PTPRD: variants seen among roughly 807,000 people sequenced by gnomAD.
PTPRD encodes the protein receptor-type tyrosine-protein phosphatase delta.
In PTPRD, 34 loss-of-function variants were observed where a neutral mutation model predicts 214.5. That is an observed-to-expected ratio of 0.16 (90% CI 0.12 to 0.21). The LOEUF (loss-of-function observed/expected upper bound fraction) is 0.21, where lower values mean the gene tolerates loss of function less well. Among genes scored for constraint, PTPRD ranks in the 10% least tolerant of loss-of-function variants. PTPRD has a pLI of 1.00. For synonymous variants in PTPRD, 1,128 were observed against 845.7 expected (o/e 1.33, Z -5.79); for missense variants, 2,545 against 2,398.7 (o/e 1.06, Z -1.27).
chr9:8,409,469 C>A (rs79454152), intron 35 of PTPRD, among the ~76,000 whole-genome samples: 3,192 of 152,248 alleles, frequency 0.021, 91 homozygotes, highest in African/African-American at 0.072. Flanking sequence ...TGTAGTACTG[C>A]TGAACTCTAT....
Position 8,508,891 on chromosome 9 carries a change from C to CTGTGTGTG in PTPRD, c.1544-1465_1544-1458dup, listed in dbSNP as rs59265464. Among the ~76,000 whole-genome samples the CTGTGTGTG allele has an allele frequency of 1.8e-3, 254 of 140,602 alleles. 1 individual carries two copies. Among genetic ancestry groups the CTGTGTGTG allele is most frequent in the African/African-American group, 6.3e-3 (247 of 38,962 alleles). 92.2% of individuals were successfully genotyped at this position (140,602 alleles called of 152,430 possible). On this transcript the variant is annotated intron_variant, in intron 21 of 45. Coordinates refer to ENST00000381196, the MANE Select transcript of PTPRD (RefSeq NM_002839.4). ...TGTATATATATGTGTGTGTGTGTGT[C>CTGTGTGTG]TGTGTGTGTGTGTGTGTGTGTGTGT...
At chr9:9,085,484 C>A (rs896718357) in intron 10 of PTPRD, among the ~76,000 whole-genome samples, 1 of 152,074 alleles carries the variant, frequency 6.6e-6, no homozygotes, top group Admixed American at 6.6e-5. Flanking sequence ...GTGAAAATAA[C>A]AGCGCCTTAT....
chr9:10,258,521 T>C (rs1159606932), intron 3 of PTPRD, among the ~76,000 whole-genome samples: 1 of 152,200 alleles, frequency 6.6e-6, no homozygotes, highest in East Asian at 1.9e-4. Flanking sequence ...TTGAGGTATT[T>C]TTACATGTAC....
chr9:8,535,941 A>G (rs2076830213), intron 14 of PTPRD, among the ~76,000 whole-genome samples: 1 of 151,936 alleles, frequency 6.6e-6, no homozygotes, highest in African/African-American at 2.4e-5. Context: ...TCAGAAGATC[A>G]TATTAGACAA....
intron 5 of PTPRD, among the ~76,000 whole-genome samples, chr9:9,821,066 C>T (rs1009838782): frequency 2.6e-5 from 4 of 152,074 alleles, no homozygotes; most frequent in African/African-American, 9.7e-5. Context: ...TTGCTTCGGG[C>T]AGTATGTCCA....
intron 44 of PTPRD, among the ~76,000 whole-genome samples, chr9:8,329,629 C>T (rs927112979): frequency 2.6e-5 from 4 of 152,130 alleles, no homozygotes; most frequent in African/African-American, 7.2e-5. Context: ...GCCCCTTCCG[C>T]CAGGTGCTTT....
chr9:9,937,757 G>T (rs1406329229), intron 5 of PTPRD, among the ~76,000 whole-genome samples: 1 of 152,078 alleles, frequency 6.6e-6, no homozygotes, highest in Non-Finnish European at 1.5e-5. Context: ...TTACCCATAA[G>T]TTATGTGTAG....
chr9:8,340,257 C>G (rs2132332777), intron 42 of PTPRD, 86 bp downstream of exon 42: 1 of 1,413,730 alleles, frequency 7.1e-7, no homozygotes, highest in East Asian at 2.3e-5. Context: ...AAAAAATGAT[C>G]TAGCACAAGA....
At chr9:9,428,749 T>C (rs2143002537) in intron 8 of PTPRD, among the ~76,000 whole-genome samples, 1 of 152,238 alleles carries the variant, frequency 6.6e-6, no homozygotes, top group African/African-American at 2.4e-5. Flanking sequence ...ATTAAGAAAC[T>C]CACTCAAAAC....
intron 11 of PTPRD, among the ~76,000 whole-genome samples, chr9:8,918,440 G>T (rs1447323154): frequency 2.0e-5 from 3 of 152,186 alleles, no homozygotes; most frequent in Admixed American, 1.3e-4. Context: ...GGGATTTTTA[G>T]CAGTAAAAAA....
In PTPRD at chr9:8,988,813, T is replaced by C. The variant is rs189289373; in HGVS notation, c.-104+29884A>G. On this transcript the variant is annotated intron_variant, in intron 11 of 45. Coordinates refer to ENST00000381196, the MANE Select transcript of PTPRD (RefSeq NM_002839.4). ...TTGGAAATTTAATGTGCTTTTCTCT[T>C]GAAAACAAGGAGACACCAATCTTTT... 5.3e-5 allele frequency among the ~76,000 whole-genome samples: 8 copies of C among 152,192 alleles called. No homozygotes were observed. The East Asian group carries it at 1.5e-3, about 29-fold the overall frequency.
At chr9:9,049,045 G>A (rs1256867784) in intron 10 of PTPRD, among the ~76,000 whole-genome samples, 1 of 152,176 alleles carries the variant, frequency 6.6e-6, no homozygotes, top group Non-Finnish European at 1.5e-5. Context: ...GCCAGCACTT[G>A]CCATCCCTTG....
chr9:9,438,154 A>G (rs1276153417), intron 8 of PTPRD, among the ~76,000 whole-genome samples: 1 of 152,160 alleles, frequency 6.6e-6, no homozygotes, highest in Non-Finnish European at 1.5e-5. Context: ...ATTCACTTTC[A>G]CTTGATAATC....
In PTPRD at chr9:9,786,636, T is replaced by C. The variant is rs149127623; in HGVS notation, c.-367-19785A>G. On this transcript the variant is annotated intron_variant, in intron 5 of 45. Transcript: ENST00000381196. ...AGGTGGCTGGGTCAAATGGTATTTC[T>C]AGATCTCGATCCTTGAGGAATCGCC... Among the ~76,000 whole-genome samples the C allele has an allele frequency of 1.5e-4, 23 of 152,214 alleles. 1 individual carries two copies. The South Asian group carries it at 1.7e-3, about 11-fold the overall frequency.
intron 9 of PTPRD, among the ~76,000 whole-genome samples, chr9:9,194,309 C>T (rs140634310): frequency 3.9e-5 from 6 of 152,278 alleles, no homozygotes; most frequent in Admixed American, 1.3e-4. Context: ...GGAAAGAGTA[C>T]ACTCTAAAGT....
At chr9:9,810,003 A>G (rs777547842) in intron 5 of PTPRD, among the ~76,000 whole-genome samples, 18 of 152,110 alleles carry the variant, frequency 1.2e-4, no homozygotes, top group South Asian at 8.3e-4. Flanking sequence ...ATTTTTTCCA[A>G]TAAAAGTTAT....
At chr9:8,478,205 G>A (rs1234922709) in intron 30 of PTPRD, among the ~76,000 whole-genome samples, 1 of 152,096 alleles carries the variant, frequency 6.6e-6, no homozygotes, top group Non-Finnish European at 1.5e-5. Flanking sequence ...AATATCCTCA[G>A]TAAATTGCAA....
chr9:9,907,124 A>C (rs1220202772), intron 5 of PTPRD, among the ~76,000 whole-genome samples: 1 of 151,284 alleles, frequency 6.6e-6, no homozygotes, highest in Non-Finnish European at 1.5e-5. Flanking sequence ...TCTTCCAAGC[A>C]AGAGTTCTGT....
chr9:8,599,494 A>G (rs2094683724), intron 14 of PTPRD, among the ~76,000 whole-genome samples: 1 of 152,062 alleles, frequency 6.6e-6, no homozygotes, highest in African/African-American at 2.4e-5. Context: ...TTTTTTTGAT[A>G]CTTTTTTTTC....
Sources: gnomAD v4.1 joint callset for allele counts (sites outside exome capture counted in the v4.1 genomes callset) on GRCh38, gnomAD v4.1.1 for gene constraint, MANE v1.5 for transcripts, NCBI Gene and HGNC (gene_info 2026-07-23, HGNC 2026-07-21) for gene names.